The following ALKBH3 variants were observed in gnomAD, a reference collection of about 807,000 sequenced individuals.
ALKBH3 encodes alpha-ketoglutarate-dependent dioxygenase alkB homolog 3.
In ALKBH3, 51 loss-of-function variants were observed where a neutral mutation model predicts 43.9. The observed-to-expected ratio is 1.16, with a 90% CI of 0.93 to 1.47. The LOEUF (loss-of-function observed/expected upper bound fraction) is 1.47, where lower values mean the gene tolerates loss of function less well. Ranked by LOEUF, ALKBH3 falls within the 40% of genes most tolerant of loss-of-function variation. The pLI, the probability that ALKBH3 is intolerant of heterozygous loss-of-function variation, is 0.00. For synonymous variants in ALKBH3, 102 were observed against 115.2 expected (o/e 0.89, Z 0.73); for missense variants, 361 against 351.9 (o/e 1.03, Z -0.21).
rs546205721 is a variant in ALKBH3, at chr11:43,880,893, C to G, written c.-357C>G. 1 of 152,334 alleles carries G rather than the reference C, an allele frequency of 6.6e-6. No individual in the cohort carries two copies. Among genetic ancestry groups the G allele is most frequent in the Admixed American group, 6.5e-5 (1 of 15,272 alleles). 9.4% of individuals were successfully genotyped at this position (152,334 alleles called of 1,614,324 possible). A position where few individuals can be genotyped will look rare whatever the true frequency, so the allele number is the denominator to read the frequency against. On this transcript the variant is annotated 5_prime_UTR_variant, in exon 1 of 10. Coordinates refer to ENST00000302708, the MANE Select transcript of ALKBH3 (RefSeq NM_139178.4). ...AGGGGCTGCGAGGGCTGCCCCAAGT[C>G]CTACCGGGTTTGCACGGGCGCGCCC...
At chr11:43,893,819 T>G (rs1156816456) in intron 7 of ALKBH3, among the ~76,000 whole-genome samples, 6 of 152,242 alleles carry the variant, frequency 3.9e-5, no homozygotes, top group African/African-American at 1.4e-4. Context: ...ATTGGTGATA[T>G]ATTTAGTTCA....
At chr11:43,899,525 C>T in intron 7 of ALKBH3, 1 of 690,196 alleles carries the variant, frequency 1.4e-6, no homozygotes, top group African/African-American at 1.8e-5. Flanking sequence ...ACCACCTTCT[C>T]CAGCCAGTCT....
chr11:43,899,872 G>GAAAA (rs10636253), intron 7 of ALKBH3, among the ~76,000 whole-genome samples: 1 of 121,944 alleles, frequency 8.2e-6, no homozygotes, highest in African/African-American at 3.1e-5. Context: ...GTGGTCTCAG[G>GAAAA]AAAAAAAAAA....
At chr11:43,895,999 T>C (rs763026262) in intron 7 of ALKBH3, among the ~76,000 whole-genome samples, 19 of 151,834 alleles carry the variant, frequency 1.3e-4, no homozygotes, top group Non-Finnish European at 4.4e-5. Context: ...AGTGTGATTG[T>C]TTGAGCTGTA....
intron 5 of ALKBH3, among the ~76,000 whole-genome samples, chr11:43,887,403 G>A (rs1436279518): frequency 6.6e-6 from 1 of 152,154 alleles, no homozygotes. Context: ...TACCTCCTGG[G>A]TTCAAGAGAT....
intron 7 of ALKBH3, among the ~76,000 whole-genome samples, chr11:43,896,421 G>A (rs1209929827): frequency 6.6e-6 from 1 of 152,148 alleles, no homozygotes; most frequent in South Asian, 2.1e-4. Context: ...GAAGAACTTG[G>A]AGTCCGATGT....
At chr11:43,910,993 A>G (rs1951934115) in intron 8 of ALKBH3, among the ~76,000 whole-genome samples, 1 of 152,230 alleles carries the variant, frequency 6.6e-6, no homozygotes, top group African/African-American at 2.4e-5. Context: ...ATAGCAGTGA[A>G]CATGACAAAC....
intron 7 of ALKBH3, chr11:43,899,604 C>T: frequency 1.9e-6 from 1 of 538,742 alleles, no homozygotes; most frequent in African/African-American, 1.9e-5. Flanking sequence ...AGATGGCCGC[C>T]CCTCCTCGGA....
rs980165246 is a variant in ALKBH3, at chr11:43,880,888, C to T, written c.-362C>T. 2 of 152,430 alleles carry T rather than the reference C, an allele frequency of 1.3e-5. No individual in the cohort carries two copies. Among genetic ancestry groups the T allele is most frequent in the East Asian group, 3.9e-4 (2 of 5,174 alleles). The allele number at this position is 152,430 out of a possible 1,614,324, so 9.4% of individuals were successfully genotyped here. ...GGGTCAGGGGCTGCGAGGGCTGCCC[C>T]AAGTCCTACCGGGTTTGCACGGGCG... is the stretch of plus-strand genomic sequence containing the variant. On this transcript the variant is annotated 5_prime_UTR_variant, in exon 1 of 10. Coordinates refer to ENST00000302708, the MANE Select transcript of ALKBH3 (RefSeq NM_139178.4).
intron 8 of ALKBH3, among the ~76,000 whole-genome samples, chr11:43,917,078 C>T (rs1951989489): frequency 6.6e-6 from 1 of 152,196 alleles, no homozygotes; most frequent in South Asian, 2.1e-4. Context: ...AAGGCTCACC[C>T]TTGTCTGCTT....
intron 9 of ALKBH3, among the ~76,000 whole-genome samples, chr11:43,919,376 A>G (rs1952009360): frequency 6.6e-6 from 1 of 152,228 alleles, no homozygotes; most frequent in African/African-American, 2.4e-5. Context: ...CTATTGTAGT[A>G]GTCACTAGCC....
intron 8 of ALKBH3, chr11:43,909,997 A>G (rs1834972064): frequency 6.6e-6 from 1 of 152,210 alleles, no homozygotes; most frequent in Non-Finnish European, 1.5e-5. Context: ...GTCCTCAGTC[A>G]TCATCTCTCT....
intron 3 of ALKBH3, 141 bp from the exon 4 acceptor site, chr11:43,883,842 C>T (rs1192427949): frequency 1.1e-6 from 1 of 872,412 alleles, no homozygotes; most frequent in Non-Finnish European, 1.8e-6. Context: ...AGACAAGGGT[C>T]TCTAGTGGGT....
At chr11:43,882,281 C>T (rs1338179875) in intron 1 of ALKBH3, among the ~76,000 whole-genome samples, 2 of 152,170 alleles carry the variant, frequency 1.3e-5, no homozygotes, top group Non-Finnish European at 2.9e-5. Context: ...TCCTTATATT[C>T]TACTCTTGGG....
At position 43,886,594 on chromosome 11, in the gene ALKBH3, T is replaced by C. The variant is rs1482156567; in HGVS notation, c.219-12T>C. On this transcript the variant is annotated splice_polypyrimidine_tract_variant and intron_variant, in intron 4 of 9. Transcript: ENST00000302708. Reference sequence around the variant, plus strand: ...CCTCAAACTAACAAGTCTGTTTCCTTTGTTTCTTTAGCAGAGAGGGTGTGT... The same window carrying C: ...CCTCAAACTAACAAGTCTGTTTCCTCTGTTTCTTTAGCAGAGAGGGTGTGT... The C allele has an allele frequency of 1.4e-5, 23 of 1,613,958 alleles. No individual in the cohort carries two copies. Among genetic ancestry groups the C allele is most frequent in the Non-Finnish European group, 1.9e-5 (22 of 1,179,956 alleles).
At chr11:43,906,508 C>G (rs1951896930) in intron 8 of ALKBH3, among the ~76,000 whole-genome samples, 1 of 152,300 alleles carries the variant, frequency 6.6e-6, no homozygotes. Flanking sequence ...ATCTATCCTT[C>G]CTATTAATCC....
At chr11:43,903,271 GC>G (rs2135194333) in intron 8 of ALKBH3, among the ~76,000 whole-genome samples, 1 of 152,226 alleles carries the variant, frequency 6.6e-6, no homozygotes, top group East Asian at 1.9e-4. Flanking sequence ...AGACAAACCA[GC>G]TTTTGCTATA....
chr11:43,888,333 G>C (rs61883993), intron 5 of ALKBH3, among the ~76,000 whole-genome samples: 2 of 145,758 alleles, frequency 1.4e-5, no homozygotes, highest in Non-Finnish European at 3.0e-5. Context: ...GAACTCCTGG[G>C]CTCAAGTGAT....
intron 8 of ALKBH3, among the ~76,000 whole-genome samples, chr11:43,904,313 A>C (rs1161812955): frequency 6.6e-6 from 1 of 152,248 alleles, no homozygotes; most frequent in Non-Finnish European, 1.5e-5. Flanking sequence ...TTTGGGAAGA[A>C]ATATAAACAT....
Sources: allele counts gnomAD v4.1 joint callset (sites outside exome capture counted in the v4.1 genomes callset), GRCh38; gene constraint gnomAD v4.1.1; transcripts MANE v1.5; gene names NCBI Gene and HGNC (gene_info 2026-07-23, HGNC 2026-07-21).